VTI1A: variants seen among roughly 807,000 people sequenced by gnomAD.
The protein encoded by VTI1A is vesicle transport through interaction with t-SNAREs homolog 1A.
VTI1A carries 22 observed loss-of-function variants against 34.9 expected under a neutral mutation model. The ratio of observed to expected loss-of-function variants is 0.63; its 90% CI spans 0.45 to 0.90. The LOEUF is 0.90. VTI1A is among the 40% of genes least tolerant of loss of function. VTI1A has a pLI of 0.00. For missense variants in VTI1A, 268 were observed against 275.6 expected, an observed-to-expected ratio of 0.97 and a Z score of 0.20; for synonymous variants, 87 against 97.3, an observed-to-expected ratio of 0.89 and a Z score of 0.62.
rs1236067590 is a variant in VTI1A, at chr10:112,710,565, G to A, written c.560+41567G>A. On this transcript the variant is annotated intron_variant, in intron 7 of 7. Transcript: ENST00000393077. ...CTACTGCAGAATAATTATAGAAATT[G>A]CAGAATTGCACGTGGTTTATATAAA... Among the ~76,000 whole-genome samples, 6 of 152,274 alleles carry A rather than the reference G, an allele frequency of 3.9e-5. No homozygotes were observed. The East Asian group carries it at 1.2e-3, about 29-fold the overall frequency.
At chr10:112,641,028 T>C (rs1798031284) in intron 5 of VTI1A, among the ~76,000 whole-genome samples, 1 of 152,092 alleles carries the variant, frequency 6.6e-6, no homozygotes, top group Non-Finnish European at 1.5e-5. Flanking sequence ...ATACTAAATA[T>C]TGCCCTGTTG....
At chr10:112,703,270 C>G (rs547039013) in intron 7 of VTI1A, among the ~76,000 whole-genome samples, 137 of 152,070 alleles carry the variant, frequency 9.0e-4, no homozygotes, top group Admixed American at 3.4e-3. Flanking sequence ...AATGCATGAT[C>G]TTAAAAATAT....
chr10:112,688,885 G>A (rs1320646743), intron 7 of VTI1A, among the ~76,000 whole-genome samples: 3 of 151,926 alleles, frequency 2.0e-5, no homozygotes, highest in Non-Finnish European at 4.4e-5. Context: ...GTCAGTAGTG[G>A]GTTTTTTAAA....
intron 5 of VTI1A, among the ~76,000 whole-genome samples, chr10:112,656,889 A>T (rs903160485): frequency 6.6e-6 from 1 of 152,098 alleles, no homozygotes; most frequent in Non-Finnish European, 1.5e-5. Flanking sequence ...GTGGTTTCTC[A>T]TGGTTTAGTG....
intron 5 of VTI1A, among the ~76,000 whole-genome samples, chr10:112,661,674 T>C (rs971766157): frequency 2.0e-5 from 3 of 152,178 alleles, no homozygotes; most frequent in Admixed American, 6.5e-5. Flanking sequence ...GGAAAGTTGT[T>C]CCATTGTGTG....
chr10:112,648,012 C>T (rs567316806), intron 5 of VTI1A, among the ~76,000 whole-genome samples: 25 of 152,264 alleles, frequency 1.6e-4, no homozygotes, highest in East Asian at 5.8e-4. Flanking sequence ...TCAAGCAATC[C>T]GCCCGCCTCA....
At chr10:112,548,769 C>G in intron 5 of VTI1A, 2 of 1,478,440 alleles carry the variant, frequency 1.4e-6, no homozygotes, top group Non-Finnish European at 1.8e-6. Flanking sequence ...CTGAGAAGCT[C>G]TCGACACACA....
At chr10:112,471,703 T>C (rs1162194149) in intron 3 of VTI1A, among the ~76,000 whole-genome samples, 1 of 152,140 alleles carries the variant, frequency 6.6e-6, no homozygotes, top group Admixed American at 6.5e-5. Context: ...TTAGAATTCC[T>C]GTAAGCTGTT....
At position 112,739,940 on chromosome 10, in the gene VTI1A, AT is replaced by A. The variant is rs137900118; in HGVS notation, c.560+70950del. Among the ~76,000 whole-genome samples, 176 of 152,274 alleles carry A rather than the reference AT, an allele frequency of 1.2e-3. 1 individual carries two copies. Among genetic ancestry groups the A allele is most frequent in the African/African-American group, 2.8e-3 (118 of 41,562 alleles). Reference sequence around the variant, plus strand: ...TGGCTCTTCAGAAGCAAAATTAATCATTTTTTTTAAATTATGCATTGCAATT... The same window carrying A: ...TGGCTCTTCAGAAGCAAAATTAATCATTTTTTTAAATTATGCATTGCAATT... On this transcript the variant is annotated intron_variant, in intron 7 of 7. Transcript: ENST00000393077.
At chr10:112,476,452 A>C (rs1848280334) in intron 3 of VTI1A, among the ~76,000 whole-genome samples, 1 of 152,186 alleles carries the variant, frequency 6.6e-6, no homozygotes, top group Admixed American at 6.5e-5. Context: ...TTTTTAAATG[A>C]AATGCCTTTT....
At chr10:112,679,166 A>G (rs1339223209) in intron 7 of VTI1A, among the ~76,000 whole-genome samples, 2 of 152,124 alleles carry the variant, frequency 1.3e-5, no homozygotes, top group African/African-American at 2.4e-5. Context: ...TATTTATACC[A>G]CACAAGCAGT....
chr10:112,710,866 A>T (rs1274002865), intron 7 of VTI1A, among the ~76,000 whole-genome samples: 2 of 152,110 alleles, frequency 1.3e-5, no homozygotes, highest in Non-Finnish European at 2.9e-5. Context: ...ATAATATTAC[A>T]TTCCAAATCA....
intron 7 of VTI1A, among the ~76,000 whole-genome samples, chr10:112,718,670 A>G (rs772072995): frequency 1.7e-4 from 26 of 152,214 alleles, no homozygotes; most frequent in Non-Finnish European, 3.2e-4. Context: ...GAGTTATCCA[A>G]GCAAATAGTG....
rs548218563 is a variant in VTI1A at position 112,586,821 on chromosome 10, C to T, written c.427+48491C>T. 2.0e-5 allele frequency among the ~76,000 whole-genome samples: 3 copies of T among 152,294 alleles called. No homozygotes were observed. In the East Asian group the frequency reaches 5.8e-4, roughly 29 times the overall value. On this transcript the variant is annotated intron_variant, in intron 5 of 7. Transcript: ENST00000393077. ...TTTCCAACATCTCCATTTTGCACAT[C>T]CTATTATTATAGCACTTAGTTTTAG...
intron 5 of VTI1A, among the ~76,000 whole-genome samples, chr10:112,578,298 T>G (rs547791916): frequency 1.3e-4 from 20 of 152,246 alleles, no homozygotes; most frequent in African/African-American, 4.3e-4. Flanking sequence ...CGCAGCAATT[T>G]GGCTCTGAGG....
At position 112,712,693 on chromosome 10, in the gene VTI1A, C is replaced by T. The variant is rs1038397107; in HGVS notation, c.560+43695C>T. Among the ~76,000 whole-genome samples the T allele has an allele frequency of 8.5e-5, 13 of 152,248 alleles. No homozygotes were observed. In the South Asian group the frequency reaches 2.7e-3, roughly 32 times the overall value. On this transcript the variant is annotated intron_variant, in intron 7 of 7. Transcript: ENST00000393077. ...AAGTGTGCATTAGGACAGACTTGCC[C>T]ACCCTGATTTTCCACTTGTACTTCA...
chr10:112,673,205 C>G (rs1265003799), intron 7 of VTI1A, among the ~76,000 whole-genome samples: 1 of 151,478 alleles, frequency 6.6e-6, no homozygotes, highest in Non-Finnish European at 1.5e-5. Flanking sequence ...ATCCCAGCTA[C>G]TTGGGAAGCT....
intron 5 of VTI1A, among the ~76,000 whole-genome samples, chr10:112,612,886 G>T (rs374879359): frequency 6.6e-6 from 1 of 151,946 alleles, no homozygotes; most frequent in Admixed American, 6.6e-5. Context: ...ATCTACGCCT[G>T]CCTGTTTGGA....
In VTI1A at chr10:112,789,964, T is replaced by C. The variant is rs1852406701; in HGVS notation, c.561-25326T>C. Among the ~76,000 whole-genome samples, 3 of 151,626 alleles carry C rather than the reference T, an allele frequency of 2.0e-5. No homozygotes were observed. The South Asian group carries it at 6.2e-4, about 31-fold the overall frequency. On this transcript the variant is annotated intron_variant, in intron 7 of 7. Transcript: ENST00000393077. ...CTTTTTTTCTTTCCTTTTTTTTTTT[T>C]TGGTGGTTGTTATCATGTCATTTTT...
Sources: gnomAD v4.1 joint callset for allele counts (sites outside exome capture counted in the v4.1 genomes callset) on GRCh38, gnomAD v4.1.1 for gene constraint, MANE v1.5 for transcripts, NCBI Gene and HGNC (gene_info 2026-07-23, HGNC 2026-07-21) for gene names.